Variants in PRKD1 observed in about 807,000 individuals in gnomAD.
PRKD1 encodes the protein protein kinase D1, also known as serine/threonine-protein kinase D1.
Under a neutral mutation model 95.9 loss-of-function variants are expected in PRKD1, and 63 were observed. The ratio of observed to expected loss-of-function variants is 0.66; its 90% CI spans 0.54 to 0.81. The LOEUF (loss-of-function observed/expected upper bound fraction) is 0.81, where lower values mean the gene tolerates loss of function less well. Ranked by LOEUF, PRKD1 falls within the 30% of genes least tolerant of loss-of-function variation. The pLI, the probability that PRKD1 is intolerant of heterozygous loss-of-function variation, is 0.00. For synonymous variants in PRKD1, 425 were observed against 423.1 expected, an observed-to-expected ratio of 1.00 and a Z score of -0.05; for missense variants, 1,048 against 1,165.3, an observed-to-expected ratio of 0.90 and a Z score of 1.47.
chr14:29,597,363 T>C (rs1893345301), intron 16 of PRKD1, 128 bp downstream of exon 16: 1 of 978,642 alleles, frequency 1.0e-6, no homozygotes, highest in Non-Finnish European at 1.4e-6. Context: ...TGTCTTTGTG[T>C]CTCCACTCTG....
chr14:29,695,180 G>C (rs1296421746), intron 2 of PRKD1, among the ~76,000 whole-genome samples: 1 of 149,372 alleles, frequency 6.7e-6, no homozygotes, highest in Admixed American at 6.7e-5. Flanking sequence ...GTTGCAGTGA[G>C]CTGAGATCCT....
chr14:29,583,870 A>G (rs1282771816), intron 16 of PRKD1, among the ~76,000 whole-genome samples: 3 of 152,210 alleles, frequency 2.0e-5, no homozygotes, highest in East Asian at 1.9e-4. Flanking sequence ...TTTTGCTACA[A>G]TAAATTTTTG....
At chr14:29,887,603 A>G (rs1893766301) in intron 1 of PRKD1, among the ~76,000 whole-genome samples, 1 of 152,260 alleles carries the variant, frequency 6.6e-6, no homozygotes, top group Non-Finnish European at 1.5e-5. Flanking sequence ...ATTTCAAGTT[A>G]TGAGTATATA....
intron 4 of PRKD1, among the ~76,000 whole-genome samples, chr14:29,661,087 A>G (rs1406155534): frequency 6.6e-6 from 1 of 152,210 alleles, no homozygotes; most frequent in Non-Finnish European, 1.5e-5. Flanking sequence ...TTCTATCTTA[A>G]CATTAGAGAA....
chr14:29,743,944 CTT>C (rs753811096), intron 1 of PRKD1, among the ~76,000 whole-genome samples: 8 of 152,192 alleles, frequency 5.3e-5, no homozygotes, highest in Non-Finnish European at 8.8e-5. Context: ...TTTTTAGTCA[CTT>C]TTACTGAACC....
At chr14:29,715,825 G>T (rs1885578448) in intron 2 of PRKD1, among the ~76,000 whole-genome samples, 1 of 152,086 alleles carries the variant, frequency 6.6e-6, no homozygotes, top group African/African-American at 2.4e-5. Flanking sequence ...TTTTGACATG[G>T]ATTGTGATAT....
intron 3 of PRKD1, among the ~76,000 whole-genome samples, chr14:29,664,830 T>C (rs1404252918): frequency 6.6e-6 from 1 of 152,226 alleles, no homozygotes; most frequent in Admixed American, 6.6e-5. Flanking sequence ...ATGTTGTTGG[T>C]GCAGAAATGC....
At chr14:29,724,945 T>C (rs1317741019) in intron 2 of PRKD1, among the ~76,000 whole-genome samples, 1 of 152,164 alleles carries the variant, frequency 6.6e-6, no homozygotes, top group African/African-American at 2.4e-5. Context: ...ACAGTCCTAT[T>C]ACTAACTGCT....
Position 29,666,137 on chromosome 14 carries a change from A to G in PRKD1, c.475T>C (p.Phe159Leu). Residue 159 changes from phenylalanine (F) to leucine (L), a missense_variant, in exon 3 of 18, where the codon TTC becomes CTC. Phe to Leu is a conservative substitution (Grantham distance 22). Coordinates refer to ENST00000331968, the MANE Select transcript of PRKD1 (RefSeq NM_002742.3). ...LFVHSYRAPA[F>L]CDHCGEMLWG... Reference sequence around the variant, plus strand: ...AGCATTTCTCCACAGTGATCACAGAAAGCTGGAGCTCTGTATGAATGAACA... The same window carrying G: ...AGCATTTCTCCACAGTGATCACAGAGAGCTGGAGCTCTGTATGAATGAACA... 6.2e-7 allele frequency: 1 copy of G among 1,607,774 alleles called. No homozygotes were observed.
intron 1 of PRKD1, among the ~76,000 whole-genome samples, chr14:29,728,305 A>G (rs943486341): frequency 6.6e-6 from 1 of 152,232 alleles, no homozygotes; most frequent in African/African-American, 2.4e-5. Context: ...TATAAATTAC[A>G]TGAAATAAAT....
chr14:29,839,489 C>T (rs1006338090), intron 1 of PRKD1, among the ~76,000 whole-genome samples: 12 of 152,244 alleles, frequency 7.9e-5, no homozygotes, highest in East Asian at 3.9e-4. Context: ...CCGGGGTGCA[C>T]GGTGCAAGCT....
intron 1 of PRKD1, among the ~76,000 whole-genome samples, chr14:29,893,468 G>A (rs1894011388): frequency 6.6e-6 from 1 of 151,320 alleles, no homozygotes; most frequent in African/African-American, 2.4e-5. Context: ...CACATATTTG[G>A]GCCAAAGCTC....
chr14:29,719,857 T>C (rs1885800047), intron 2 of PRKD1, among the ~76,000 whole-genome samples: 2 of 152,220 alleles, frequency 1.3e-5, no homozygotes, highest in African/African-American at 2.4e-5. Context: ...GGAGTATCTG[T>C]AGAGAGTGGC....
At chr14:29,671,254 T>C (rs1392005071) in intron 2 of PRKD1, among the ~76,000 whole-genome samples, 2 of 151,940 alleles carry the variant, frequency 1.3e-5, no homozygotes, top group East Asian at 3.9e-4. Flanking sequence ...GACTGGTAAC[T>C]AGATAAATGT....
intron 1 of PRKD1, among the ~76,000 whole-genome samples, chr14:29,897,439 A>G (rs1378413554): frequency 1.3e-5 from 2 of 152,146 alleles, no homozygotes; most frequent in Non-Finnish European, 2.9e-5. Context: ...AATCCTAGAC[A>G]CTGCACTGCA....
chr14:29,580,935 A>T (rs1382742140), intron 16 of PRKD1, among the ~76,000 whole-genome samples: 2 of 152,006 alleles, frequency 1.3e-5, no homozygotes, highest in African/African-American at 4.8e-5. Flanking sequence ...AAAGCTCACA[A>T]TCTAGTTGCA....
At chr14:29,750,391 CA>C (rs1383987561) in intron 1 of PRKD1, among the ~76,000 whole-genome samples, 3 of 152,054 alleles carry the variant, frequency 2.0e-5, no homozygotes, top group Admixed American at 2.0e-4. Flanking sequence ...AAAACATCAC[CA>C]AACTTCTAAG....
At chr14:29,743,672 T>A (rs1887084724) in intron 1 of PRKD1, among the ~76,000 whole-genome samples, 1 of 152,172 alleles carries the variant, frequency 6.6e-6, no homozygotes, top group African/African-American at 2.4e-5. Flanking sequence ...ACAAGAAGGA[T>A]CTGAGTTTCC....
At chr14:29,577,562 C>T (rs570921826) in intron 17 of PRKD1, 106 bp from the exon 18 acceptor site, 4 of 1,064,126 alleles carry the variant, frequency 3.8e-6, no homozygotes, top group Non-Finnish European at 5.6e-6. Context: ...TCTCCTTCCA[C>T]TCTAACAGCG....
Sources: allele counts gnomAD v4.1 joint callset (sites outside exome capture counted in the v4.1 genomes callset), GRCh38; gene constraint gnomAD v4.1.1; transcripts MANE v1.5; gene names NCBI Gene and HGNC (gene_info 2026-07-23, HGNC 2026-07-21).